Variants in NTM observed in about 807,000 individuals in gnomAD.
The protein encoded by NTM is IgLON family member 2.
Under a neutral mutation model 42.1 loss-of-function variants are expected in NTM, and 13 were observed. The ratio of observed to expected loss-of-function variants is 0.31; its 90% CI spans 0.20 to 0.49. The LOEUF (loss-of-function observed/expected upper bound fraction) is 0.49. Ranked by LOEUF, NTM falls within the 20% of genes least tolerant of loss-of-function variation. NTM has a pLI of 0.99. For missense variants in NTM, 373 were observed against 452.8 expected, an observed-to-expected ratio of 0.82 and a Z score of 1.60; for synonymous variants, 187 against 179.2, an observed-to-expected ratio of 1.04 and a Z score of -0.35.
intron 1 of NTM, among the ~76,000 whole-genome samples, chr11:131,717,863 T>C (rs1359140287): frequency 1.3e-5 from 2 of 152,212 alleles, no homozygotes; most frequent in East Asian, 3.8e-4. Flanking sequence ...CTATACATGC[T>C]CTTTATCAGT....
intron 1 of NTM, among the ~76,000 whole-genome samples, chr11:131,387,223 T>G (rs1446141274): frequency 6.6e-6 from 1 of 152,230 alleles, no homozygotes; most frequent in Non-Finnish European, 1.5e-5. Flanking sequence ...CCAATGTTTT[T>G]GAAGCTCACT....
intron 2 of NTM, among the ~76,000 whole-genome samples, chr11:132,121,518 A>G (rs531567488): frequency 4.3e-4 from 66 of 152,220 alleles, no homozygotes; most frequent in Non-Finnish European, 9.3e-4. Flanking sequence ...TACAGAAAAT[A>G]TGAGTGAAAA....
intron 4 of NTM, among the ~76,000 whole-genome samples, chr11:132,242,135 T>G (rs144792553): frequency 6.6e-6 from 1 of 152,238 alleles, no homozygotes; most frequent in East Asian, 1.9e-4. Flanking sequence ...TCAAGAGCCT[T>G]CAGTAGGCCT....
intron 1 of NTM, among the ~76,000 whole-genome samples, chr11:131,414,258 G>A (rs1476995302): frequency 6.6e-6 from 1 of 152,102 alleles, no homozygotes; most frequent in African/African-American, 2.4e-5. Context: ...CCATGTCCTG[G>A]GGGCATGGAT....
intron 2 of NTM, among the ~76,000 whole-genome samples, chr11:132,085,812 A>C (rs1291741786): frequency 6.6e-6 from 1 of 152,180 alleles, no homozygotes; most frequent in Non-Finnish European, 1.5e-5. Context: ...CTTTAAGAGC[A>C]GGGTTAGGAA....
At position 131,454,634 on chromosome 11, in the gene NTM, A is replaced by G. The variant is rs567984734; in HGVS notation, c.82+83746A>G. On this transcript the variant is annotated intron_variant, in intron 1 of 8. Coordinates refer to ENST00000683400, the MANE Select transcript of NTM (RefSeq NM_001352005.2). ...AGCTTATATCCATCCCACAAAGCAC[A>G]CGTTTGCCGGTGCTATAAATTTAAG... 1.8e-3 allele frequency among the ~76,000 whole-genome samples: 277 copies of G among 152,202 alleles called. 2 individuals are homozygous for G. The highest frequency in any genetic ancestry group is 2.6e-3 in the Non-Finnish European group (178 of 68,010).
intron 3 of NTM, among the ~76,000 whole-genome samples, chr11:132,164,147 A>G (rs12362057): frequency 0.8 from 121,210 of 152,154 alleles, 48,381 homozygotes; most frequent in Middle Eastern, 0.84. Context: ...TATGGTGGGT[A>G]AGAGTTTGGA....
intron 1 of NTM, among the ~76,000 whole-genome samples, chr11:131,625,479 A>C (rs752113550): frequency 4.6e-4 from 70 of 152,306 alleles, no homozygotes; most frequent in Admixed American, 1.1e-3. Context: ...AGAAAAGCAG[A>C]GAGAGAGACA....
intron 2 of NTM, among the ~76,000 whole-genome samples, chr11:131,974,575 G>A (rs1486269369): frequency 5.9e-5 from 9 of 152,306 alleles, no homozygotes; most frequent in East Asian, 1.9e-4. Flanking sequence ...CAAAAGATAC[G>A]TGTAATGTGA....
Position 132,188,840 on chromosome 11 carries a change from C to T in NTM, c.401-23182C>T, listed in dbSNP as rs151322650. 9.8e-5 allele frequency among the ~76,000 whole-genome samples: 15 copies of T among 152,316 alleles called. No individual in the cohort carries two copies. The East Asian group carries it at 2.9e-3, about 29-fold the overall frequency. ...TAATCTAGACCTATAGCACTGCACC[C>T]TGGGCTGTCTCCACTGACCCTGGTT... On this transcript the variant is annotated intron_variant, in intron 3 of 8. Transcript: ENST00000683400.
At chr11:131,462,729 C>A (rs1471841467) in intron 1 of NTM, among the ~76,000 whole-genome samples, 1 of 151,648 alleles carries the variant, frequency 6.6e-6, no homozygotes, top group Non-Finnish European at 1.5e-5. Flanking sequence ...TGTACAGCAA[C>A]TTCCAGGAAG....
At chr11:131,637,071 G>A (rs2064493128) in intron 1 of NTM, among the ~76,000 whole-genome samples, 1 of 152,112 alleles carries the variant, frequency 6.6e-6, no homozygotes, top group Admixed American at 6.5e-5. Context: ...TGAAACATCT[G>A]CTTCTTAGTC....
intron 4 of NTM, among the ~76,000 whole-genome samples, chr11:132,269,693 C>T (rs1322717751): frequency 1.3e-5 from 2 of 152,170 alleles, no homozygotes; most frequent in African/African-American, 4.8e-5. Context: ...CTGAGAGTGA[C>T]CACTGCACTG....
intron 1 of NTM, among the ~76,000 whole-genome samples, chr11:131,588,981 A>G (rs944277798): frequency 1.3e-5 from 2 of 152,124 alleles, no homozygotes; most frequent in Non-Finnish European, 2.9e-5. Flanking sequence ...TATATGGGAG[A>G]GTAGTGGAGC....
intron 2 of NTM, among the ~76,000 whole-genome samples, chr11:131,920,226 CAG>C (rs2057022773): frequency 6.6e-6 from 1 of 152,032 alleles, no homozygotes. Flanking sequence ...TGGTAAAAAA[CAG>C]GGTCTGGGAT....
At chr11:131,541,166 A>G (rs1220640685) in intron 1 of NTM, among the ~76,000 whole-genome samples, 1 of 152,210 alleles carries the variant, frequency 6.6e-6, no homozygotes, top group African/African-American at 2.4e-5. Flanking sequence ...ACTAAATGGC[A>G]GGCTGCCTCC....
chr11:131,817,554 T>C (rs2093001098), intron 1 of NTM, among the ~76,000 whole-genome samples: 1 of 152,224 alleles, frequency 6.6e-6, no homozygotes, highest in African/African-American at 2.4e-5. Flanking sequence ...TATCATCCCT[T>C]AGCCAATGTT....
At chr11:131,660,718 G>T in intron 1 of NTM, 1 of 451,606 alleles carries the variant, frequency 2.2e-6, no homozygotes. Context: ...AGGGACGGAG[G>T]AGGCAAAGAA....
chr11:131,869,068 CA>C (rs2047506999), intron 1 of NTM, among the ~76,000 whole-genome samples: 6 of 151,638 alleles, frequency 4.0e-5, no homozygotes. Context: ...CACTGACAGA[CA>C]GCATGACCAC....
Sources: allele counts gnomAD v4.1 joint callset (sites outside exome capture counted in the v4.1 genomes callset), GRCh38; gene constraint gnomAD v4.1.1; transcripts MANE v1.5; gene names NCBI Gene and HGNC (gene_info 2026-07-23, HGNC 2026-07-21).